The following RTN1 variants were observed in gnomAD, a reference collection of about 807,000 sequenced individuals.
RTN1 encodes the protein reticulon-1.
RTN1 carries 25 observed loss-of-function variants against 65.5 expected under a neutral mutation model. The observed-to-expected ratio is 0.38, with a 90% confidence interval of 0.28 to 0.53. The LOEUF (loss-of-function observed/expected upper bound fraction) is 0.53, where lower values mean the gene tolerates loss of function less well. Among genes scored for constraint, RTN1 ranks in the 20% least tolerant of loss-of-function variants. The pLI, the probability that RTN1 is intolerant of heterozygous loss-of-function variation, is 0.79. For missense variants in RTN1, 983 were observed against 1,025.4 expected (o/e 0.96, Z 0.57); for synonymous variants, 471 against 447.6 (o/e 1.05, Z -0.66).
chr14:59,775,654 T>C (rs188378998), intron 1 of RTN1, among the ~76,000 whole-genome samples: 35 of 152,280 alleles, frequency 2.3e-4, no homozygotes, highest in Admixed American at 1.7e-3. Context: ...TAAGATCACA[T>C]AGTAACAGAA....
At chr14:59,677,102 T>C (rs1290177299) in intron 3 of RTN1, among the ~76,000 whole-genome samples, 1 of 152,182 alleles carries the variant, frequency 6.6e-6, no homozygotes, top group Non-Finnish European at 1.5e-5. Context: ...CACCTCAGGG[T>C]TGTCTGCAAG....
chr14:59,722,620 TAA>T (rs892887953), intron 3 of RTN1, among the ~76,000 whole-genome samples: 8 of 152,040 alleles, frequency 5.3e-5, no homozygotes, highest in Admixed American at 2.6e-4. Flanking sequence ...TTAAATGACA[TAA>T]GTTACAAAAC....
In RTN1 at chr14:59,778,096, G is replaced by A. The variant is rs544897845; in HGVS notation, c.242-31615C>T. 5.7e-4 allele frequency among the ~76,000 whole-genome samples: 87 copies of A among 152,114 alleles called. 1 individual carries two copies. Among genetic ancestry groups the A allele is most frequent in the Non-Finnish European group, 5.9e-4 (40 of 67,986 alleles). ...TTCCTTCCCCTTCCTCAGTACCTCC[G>A]TCTTATCCTCCAGATCTTTGCTCAC... On this transcript the variant is annotated intron_variant, in intron 1 of 8. Coordinates refer to ENST00000267484, the MANE Select transcript of RTN1 (RefSeq NM_021136.3).
chr14:59,725,154 G>A (rs1474303551), intron 3 of RTN1, among the ~76,000 whole-genome samples: 1 of 152,218 alleles, frequency 6.6e-6, no homozygotes, highest in African/African-American at 2.4e-5. Context: ...CACAGCTGCA[G>A]TTTTCCATCT....
At chr14:59,664,827 C>T (rs1204326720) in intron 3 of RTN1, among the ~76,000 whole-genome samples, 7 of 151,942 alleles carry the variant, frequency 4.6e-5, no homozygotes, top group African/African-American at 9.7e-5. Flanking sequence ...TTTGTGCAAG[C>T]GTAAGTTTTT....
At chr14:59,748,210 G>GTTTTTTTTTTTTTTTTTTTTT (rs67657505) in intron 1 of RTN1, among the ~76,000 whole-genome samples, 1 of 125,988 alleles carries the variant, frequency 7.9e-6, no homozygotes. Flanking sequence ...AGTCTGTGAG[G>GTTTTTTTTTTTTTTTTTTTTT]TTTTTTTTTT....
At chr14:59,688,768 G>A (rs1448047753) in intron 3 of RTN1, among the ~76,000 whole-genome samples, 1 of 151,730 alleles carries the variant, frequency 6.6e-6, no homozygotes, top group African/African-American at 2.4e-5. Flanking sequence ...AAGGGAAAGG[G>A]AAAGAAAGAA....
chr14:59,842,522 T>A (rs1007115906), intron 1 of RTN1, among the ~76,000 whole-genome samples: 3 of 152,142 alleles, frequency 2.0e-5, no homozygotes, highest in African/African-American at 7.2e-5. Flanking sequence ...TCTAGATCCA[T>A]ACAATGCACA....
chr14:59,731,801 C>T (rs1365998478), intron 2 of RTN1, among the ~76,000 whole-genome samples: 1 of 152,148 alleles, frequency 6.6e-6, no homozygotes, highest in East Asian at 1.9e-4. Context: ...CCTAGCTCTC[C>T]TGATCTCATC....
chr14:59,818,243 A>G (rs1032054451), intron 1 of RTN1, among the ~76,000 whole-genome samples: 4 of 152,096 alleles, frequency 2.6e-5, no homozygotes, highest in African/African-American at 9.7e-5. Context: ...ATGTGTATGT[A>G]CCTTATTTTC....
chr14:59,717,829 G>GGA (rs1196057972), intron 3 of RTN1, among the ~76,000 whole-genome samples: 1 of 152,158 alleles, frequency 6.6e-6, no homozygotes, highest in Middle Eastern at 3.2e-3. Context: ...GGTTACTGGA[G>GGA]GAAAAACCTG....
At chr14:59,721,257 T>A (rs1221107236) in intron 3 of RTN1, among the ~76,000 whole-genome samples, 3 of 152,240 alleles carry the variant, frequency 2.0e-5, no homozygotes, top group African/African-American at 7.2e-5. Flanking sequence ...AGCCTCAAGC[T>A]GCTGTAGCTG....
chr14:59,609,795 T>C (rs959723904), intron 3 of RTN1, among the ~76,000 whole-genome samples: 14 of 152,208 alleles, frequency 9.2e-5, no homozygotes, highest in African/African-American at 3.1e-4. Flanking sequence ...TCTGTTTTCA[T>C]TTATTGAGCA....
At chr14:59,634,966 C>T (rs1882631476) in intron 3 of RTN1, among the ~76,000 whole-genome samples, 2 of 152,142 alleles carry the variant, frequency 1.3e-5, no homozygotes, top group South Asian at 4.1e-4. Flanking sequence ...ATGAGGGAGA[C>T]ACTGAAGGGT....
At chr14:59,804,100 C>T (rs1486066612) in intron 1 of RTN1, among the ~76,000 whole-genome samples, 2 of 152,144 alleles carry the variant, frequency 1.3e-5, no homozygotes, top group African/African-American at 4.8e-5. Context: ...TTCTTTCTGT[C>T]TTCCAGGATC....
At chr14:59,770,482 G>C (rs1885934823) in intron 1 of RTN1, among the ~76,000 whole-genome samples, 1 of 151,098 alleles carries the variant, frequency 6.6e-6, no homozygotes, top group Non-Finnish European at 1.5e-5. Flanking sequence ...AAATGCATCA[G>C]ATTTGCAGTA....
chr14:59,619,001 G>T lies in RTN1; in HGVS notation c.1766-11509C>A, dbSNP rs73307682. Among the ~76,000 whole-genome samples the T allele has an allele frequency of 6.2e-3, 938 of 152,316 alleles. 9 individuals are homozygous for T. The highest frequency in any genetic ancestry group is 0.022 in the African/African-American group (904 of 41,550). ...CGATGCCAACACATCTTGTACTGTT[G>T]TAGGTGGCAAAAGTTGAGTTTAAGG... On this transcript the variant is annotated intron_variant, in intron 3 of 8. Transcript: ENST00000267484.
chr14:59,786,346 A>G (rs934823127), intron 1 of RTN1, among the ~76,000 whole-genome samples: 7 of 152,218 alleles, frequency 4.6e-5, no homozygotes, highest in Non-Finnish European at 8.8e-5. Flanking sequence ...GAGTGACTGG[A>G]ACCACTACAC....
At chr14:59,852,971 C>T (rs980009117) in intron 1 of RTN1, among the ~76,000 whole-genome samples, 1 of 152,078 alleles carries the variant, frequency 6.6e-6, no homozygotes, top group Non-Finnish European at 1.5e-5. Context: ...ATATTAAACG[C>T]TTAATAAATA....
Sources: gnomAD v4.1 joint callset for allele counts (sites outside exome capture counted in the v4.1 genomes callset) on GRCh38, gnomAD v4.1.1 for gene constraint, MANE v1.5 for transcripts, NCBI Gene and HGNC (gene_info 2026-07-23, HGNC 2026-07-21) for gene names.